The following INPP4B variants were observed in gnomAD, a reference collection of about 807,000 sequenced individuals.
INPP4B encodes the protein inositol polyphosphate-4-phosphatase type II B.
Under a neutral mutation model 122.5 loss-of-function variants are expected in INPP4B, and 55 were observed. That is an observed-to-expected ratio of 0.45 (90% confidence interval 0.36 to 0.56). INPP4B has a LOEUF of 0.56. Among genes scored for constraint, INPP4B ranks in the 20% least tolerant of loss-of-function variants. INPP4B has a pLI of 0.00. For synonymous variants in INPP4B, 403 were observed against 388.7 expected (o/e 1.04, Z -0.43); for missense variants, 1,000 against 1,097.7 (o/e 0.91, Z 1.26).
chr4:142,600,500 T>C (rs1485642048), intron 2 of INPP4B, among the ~76,000 whole-genome samples: 6 of 152,154 alleles, frequency 3.9e-5, no homozygotes, highest in Non-Finnish European at 7.3e-5. Flanking sequence ...TAAAGGATAA[T>C]AGTCATCATC....
chr4:142,442,141 GCT>G (rs1811870437), intron 3 of INPP4B, among the ~76,000 whole-genome samples: 2 of 152,126 alleles, frequency 1.3e-5, no homozygotes, highest in Admixed American at 6.6e-5. Context: ...AGGCACGGTG[GCT>G]CACGCCTACC....
intron 7 of INPP4B, among the ~76,000 whole-genome samples, chr4:142,385,822 T>C (rs1271070838): frequency 1.3e-5 from 2 of 152,240 alleles, no homozygotes; most frequent in Non-Finnish European, 2.9e-5. Context: ...CTATATACTA[T>C]GTGATGTTTT....
chr4:142,553,707 T>C (rs1333870824), intron 2 of INPP4B, among the ~76,000 whole-genome samples: 4 of 152,198 alleles, frequency 2.6e-5, no homozygotes, highest in African/African-American at 4.8e-5. Context: ...GTTCTTCCCT[T>C]CTCAGTCCTA....
chr4:142,248,888 T>C (rs1730514172), intron 11 of INPP4B, among the ~76,000 whole-genome samples: 1 of 152,086 alleles, frequency 6.6e-6, no homozygotes, highest in Non-Finnish European at 1.5e-5. Context: ...TGCTAAATAA[T>C]GAAGAATTCA....
At chr4:142,186,803 A>G (rs1424781046) in intron 15 of INPP4B, among the ~76,000 whole-genome samples, 1 of 152,230 alleles carries the variant, frequency 6.6e-6, no homozygotes, top group Non-Finnish European at 1.5e-5. Flanking sequence ...TGTGAAATTG[A>G]GCAAAAATCC....
At chr4:142,255,520 C>G (rs1223225038) in intron 11 of INPP4B, among the ~76,000 whole-genome samples, 2 of 151,854 alleles carry the variant, frequency 1.3e-5, no homozygotes, top group Non-Finnish European at 2.9e-5. Context: ...ATCTACCAAG[C>G]AAATGGAAAA....
chr4:142,540,514 C>T (rs1029198193), intron 2 of INPP4B, among the ~76,000 whole-genome samples: 2 of 152,166 alleles, frequency 1.3e-5, no homozygotes, highest in African/African-American at 4.8e-5. Flanking sequence ...TGAGCTTACC[C>T]TCATTTCTCT....
chr4:142,650,198 C>A (rs1420662752), intron 2 of INPP4B, among the ~76,000 whole-genome samples: 1 of 152,176 alleles, frequency 6.6e-6, no homozygotes, highest in Admixed American at 6.6e-5. Context: ...GCCTGCCTTG[C>A]AAGAGCTCCT....
intron 1 of INPP4B, 43 bp from the exon 2 acceptor site, chr4:142,725,944 T>G (rs1234066044): frequency 1.3e-5 from 5 of 397,382 alleles, no homozygotes; most frequent in Non-Finnish European, 2.2e-5. Context: ...CAACCTTTCT[T>G]TTTTCCTCTT....
In INPP4B at chr4:142,298,540, C is replaced by A. The variant is rs187351547; in HGVS notation, c.503+6918G>T. ...TCTCTACTAAAAATACAAAAATTAG[C>A]CAGGCATGATGGTGGGCGCCTATAA... On this transcript the variant is annotated intron_variant, in intron 9 of 25. Coordinates refer to ENST00000262992, the MANE Select transcript of INPP4B (RefSeq NM_001101669.3). 6.6e-5 allele frequency among the ~76,000 whole-genome samples: 10 copies of A among 151,906 alleles called. No individual in the cohort carries two copies. The East Asian group carries it at 1.9e-3, about 30-fold the overall frequency.
At chr4:142,663,083 A>G (rs1233215344) in intron 2 of INPP4B, among the ~76,000 whole-genome samples, 1 of 152,228 alleles carries the variant, frequency 6.6e-6, no homozygotes, top group Non-Finnish European at 1.5e-5. Context: ...TTAATTTACC[A>G]ACTGAGAAAT....
At chr4:142,226,834 T>C (rs1349962956) in intron 12 of INPP4B, among the ~76,000 whole-genome samples, 1 of 152,120 alleles carries the variant, frequency 6.6e-6, no homozygotes, top group East Asian at 1.9e-4. Context: ...TTACATGTAG[T>C]TAAATAAAAA....
intron 7 of INPP4B, among the ~76,000 whole-genome samples, chr4:142,362,082 G>A (rs878867161): frequency 8.1e-4 from 123 of 151,996 alleles, no homozygotes; most frequent in African/African-American, 2.8e-3. Context: ...AGAGGAGAGA[G>A]AGAGATCCCT....
chr4:142,785,082 A>T (rs1775550911), intron 1 of INPP4B, among the ~76,000 whole-genome samples: 1 of 152,164 alleles, frequency 6.6e-6, no homozygotes, highest in Admixed American at 6.6e-5. Context: ...GATCAAGAAG[A>T]CACAGATTCT....
At chr4:142,446,197 G>A (rs181604394) in intron 3 of INPP4B, among the ~76,000 whole-genome samples, 49 of 151,866 alleles carry the variant, frequency 3.2e-4, no homozygotes, top group Non-Finnish European at 6.3e-4. Flanking sequence ...TATTAATCAT[G>A]TGAGCAAATC....
intron 15 of INPP4B, among the ~76,000 whole-genome samples, chr4:142,179,822 C>T (rs1830027237): frequency 6.6e-6 from 1 of 152,092 alleles, no homozygotes; most frequent in African/African-American, 2.4e-5. Flanking sequence ...GGCCTATTCC[C>T]ACTTATCCAC....
At chr4:142,319,741 G>A (rs1468879516) in intron 7 of INPP4B, among the ~76,000 whole-genome samples, 1 of 152,122 alleles carries the variant, frequency 6.6e-6, no homozygotes, top group Non-Finnish European at 1.5e-5. Context: ...GAGCTGCACC[G>A]GAGTCCCAAA....
At chr4:142,317,253 G>T in intron 7 of INPP4B, 1 of 343,324 alleles carries the variant, frequency 2.9e-6, no homozygotes, top group South Asian at 2.8e-5. Flanking sequence ...AGATTATGTG[G>T]ACCATCAACA....
At chr4:142,188,078 T>C (rs1833955268) in intron 15 of INPP4B, among the ~76,000 whole-genome samples, 1 of 152,216 alleles carries the variant, frequency 6.6e-6, no homozygotes, top group African/African-American at 2.4e-5. Context: ...TTAATCTCTG[T>C]CTTTTGATTT....
Sources: allele counts gnomAD v4.1 joint callset (sites outside exome capture counted in the v4.1 genomes callset), GRCh38; gene constraint gnomAD v4.1.1; transcripts MANE v1.5; gene names NCBI Gene and HGNC (gene_info 2026-07-23, HGNC 2026-07-21).